The following ARFGAP3 variants were observed in gnomAD, a reference collection of about 807,000 sequenced individuals.
The protein encoded by ARFGAP3 is ADP-ribosylation factor GTPase-activating protein 3.
Under a neutral mutation model 75.0 loss-of-function variants are expected in ARFGAP3, and 72 were observed. The ratio of observed to expected loss-of-function variants is 0.96; its 90% CI spans 0.79 to 1.17. ARFGAP3 has a LOEUF of 1.17. Among genes scored for constraint, ARFGAP3 ranks in the 50% most tolerant of loss-of-function variants. ARFGAP3 has a pLI of 0.00. For synonymous variants in ARFGAP3, 221 were observed against 217.9 expected (o/e 1.01, Z -0.13); for missense variants, 620 against 626.6 (o/e 0.99, Z 0.11).
chr22:42,842,242 T>TG (rs1926814819), intron 2 of ARFGAP3, among the ~76,000 whole-genome samples: 1 of 151,376 alleles, frequency 6.6e-6, no homozygotes, highest in East Asian at 1.9e-4. Context: ...CGACCTTAGG[T>TG]GATCCACCCA....
chr22:42,819,528 A>G (rs1925722015), intron 9 of ARFGAP3, among the ~76,000 whole-genome samples: 1 of 152,072 alleles, frequency 6.6e-6, no homozygotes, highest in African/African-American at 2.4e-5. Flanking sequence ...TCAGAACTTC[A>G]GGAGTGCTTA....
intron 8 of ARFGAP3, 141 bp downstream of exon 8, chr22:42,823,515 T>C (rs1448587887): frequency 1.9e-5 from 10 of 515,642 alleles, no homozygotes; most frequent in African/African-American, 6.4e-5. Context: ...ATTAATCTCT[T>C]TGAACAAAAC....
intron 7 of ARFGAP3, among the ~76,000 whole-genome samples, chr22:42,825,196 G>C (rs954752790): frequency 6.6e-6 from 1 of 151,968 alleles, no homozygotes; most frequent in African/African-American, 2.4e-5. Flanking sequence ...CCAGGCTGCA[G>C]TGAACTGTGA....
chr22:42,834,143 T>A, intron 5 of ARFGAP3, 99 bp downstream of exon 5: 1 of 1,109,274 alleles, frequency 9.0e-7, no homozygotes. Context: ...GCACTTCTTG[T>A]TACAAGAGCT....
intron 6 of ARFGAP3, among the ~76,000 whole-genome samples, chr22:42,828,396 A>C (rs1465052348): frequency 2.0e-5 from 3 of 152,008 alleles, no homozygotes; most frequent in African/African-American, 7.2e-5. Context: ...TCTCTACTAA[A>C]AATATAAAAA....
intron 3 of ARFGAP3, among the ~76,000 whole-genome samples, 156 bp downstream of exon 3, chr22:42,840,788 G>C (rs1254154790): frequency 6.6e-6 from 1 of 151,962 alleles, no homozygotes; most frequent in African/African-American, 2.4e-5. Flanking sequence ...TTGAACTCCT[G>C]GGCTCCAGTG....
At chr22:42,847,973 TC>T (rs1245000994) in intron 1 of ARFGAP3, among the ~76,000 whole-genome samples, 1 of 151,504 alleles carries the variant, frequency 6.6e-6, no homozygotes, top group Non-Finnish European at 1.5e-5. Flanking sequence ...CCATTGATTC[TC>T]CTGCCTCAGC....
intron 1 of ARFGAP3, among the ~76,000 whole-genome samples, chr22:42,855,847 C>T (rs1162578038): frequency 6.7e-6 from 1 of 149,344 alleles, no homozygotes; most frequent in Non-Finnish European, 1.5e-5. Flanking sequence ...TAGCAAGACC[C>T]TGTCTCTACA....
At chr22:42,799,998 T>A (rs567018151) in intron 14 of ARFGAP3, among the ~76,000 whole-genome samples, 11 of 152,338 alleles carry the variant, frequency 7.2e-5, no homozygotes, top group African/African-American at 2.6e-4. Context: ...TTGGTTGCCC[T>A]GATGTAAACA....
At position 42,799,035 on chromosome 22, in the gene ARFGAP3, T is replaced by G; in HGVS notation, c.1533+4A>C. ...GCCAGTGAGCACTGCCCCATTCCAC[T>G]GACCTGAATTGAAGTCACGACTCCA... is the stretch of plus-strand genomic sequence containing the variant. On this transcript the variant is annotated splice_donor_region_variant and intron_variant, in intron 15 of 15. Transcript: ENST00000263245. 1.2e-6 allele frequency: 2 copies of G among 1,613,996 alleles called. No individual in the cohort carries two copies. The highest frequency in any genetic ancestry group is 1.7e-6 in the Non-Finnish European group (2 of 1,179,872).
chr22:42,841,351 T>C (rs1250583548), intron 2 of ARFGAP3, among the ~76,000 whole-genome samples: 2 of 152,194 alleles, frequency 1.3e-5, no homozygotes, highest in Non-Finnish European at 2.9e-5. Context: ...ACAGATGCAC[T>C]GTTTGGATGT....
In ARFGAP3 at chr22:42,831,547, AC is replaced by A. The variant is rs1390041607; in HGVS notation, c.565+1del. On this transcript the variant is annotated splice_donor_variant, in intron 6 of 15. Coordinates refer to ENST00000263245, the MANE Select transcript of ARFGAP3 (RefSeq NM_014570.5). LOFTEE classifies it high-confidence loss of function. The stretch of plus-strand genomic sequence containing the variant: ...ATTACATGACAGTTCTAAGGACTCC[AC>A]CTTCATTATTTTCCAAAGTGGTTTC... 2 of 1,613,352 alleles carry A rather than the reference AC, an allele frequency of 1.2e-6. No individual in the cohort carries two copies. Among genetic ancestry groups the A allele is most frequent in the South Asian group, 2.2e-5 (2 of 91,036 alleles).
intron 5 of ARFGAP3, 154 bp from the exon 6 acceptor site, chr22:42,831,790 T>TA (rs1162665583): frequency 3.3e-6 from 3 of 921,680 alleles, no homozygotes; most frequent in Non-Finnish European, 2.9e-6. Flanking sequence ...TCTTGCTTTC[T>TA]TTTTTTTTTA....
At chr22:42,836,497 G>C (rs1602120560) in intron 3 of ARFGAP3, among the ~76,000 whole-genome samples, 1 of 152,252 alleles carries the variant, frequency 6.6e-6, no homozygotes, top group Middle Eastern at 3.4e-3. Flanking sequence ...TTAGTGAGGA[G>C]CTACATTAAT....
At chr22:42,817,687 C>A (rs757055653) in intron 10 of ARFGAP3, 42 bp downstream of exon 10, 4 of 1,477,564 alleles carry the variant, frequency 2.7e-6, no homozygotes, top group Non-Finnish European at 2.8e-6. Context: ...ATGATTGACA[C>A]ACTGTTTTAA....
At chr22:42,852,690 C>T (rs1927330063) in intron 1 of ARFGAP3, among the ~76,000 whole-genome samples, 1 of 151,958 alleles carries the variant, frequency 6.6e-6, no homozygotes, top group Admixed American at 6.6e-5. Context: ...AAACAAGGGC[C>T]CTGCATTTTC....
chr22:42,833,426 G>A (rs971798854), intron 5 of ARFGAP3, among the ~76,000 whole-genome samples: 1 of 152,164 alleles, frequency 6.6e-6, no homozygotes, highest in African/African-American at 2.4e-5. Context: ...AAGTAGAAGG[G>A]ATGGGAGCTC....
At chr22:42,848,958 C>A (rs900693388) in intron 1 of ARFGAP3, among the ~76,000 whole-genome samples, 1 of 152,174 alleles carries the variant, frequency 6.6e-6, no homozygotes, top group Non-Finnish European at 1.5e-5. Context: ...CTCTCTCCCC[C>A]TCTCTCCCTC....
intron 2 of ARFGAP3, among the ~76,000 whole-genome samples, chr22:42,846,075 A>G (rs1335661254): frequency 6.6e-6 from 1 of 151,818 alleles, no homozygotes; most frequent in African/African-American, 2.4e-5. Context: ...AAAGAATCAT[A>G]ATAGATTTTA....
Sources: allele counts gnomAD v4.1 joint callset (sites outside exome capture counted in the v4.1 genomes callset), GRCh38; gene constraint gnomAD v4.1.1; transcripts MANE v1.5; gene names NCBI Gene and HGNC (gene_info 2026-07-23, HGNC 2026-07-21).